Variants in VRK1 observed in about 807,000 individuals in gnomAD.
VRK1 encodes serine/threonine-protein kinase VRK1.
Under a neutral mutation model 57.1 loss-of-function variants are expected in VRK1, and 33 were observed. The ratio of observed to expected loss-of-function variants is 0.58; its 90% CI spans 0.44 to 0.77. The LOEUF (loss-of-function observed/expected upper bound fraction) is 0.77, where lower values mean the gene tolerates loss of function less well. VRK1 is among the 30% of genes least tolerant of loss of function. VRK1 has a pLI of 0.00. For synonymous variants in VRK1, 137 were observed against 147.8 expected (o/e 0.93, Z 0.53); for missense variants, 413 against 477.3 (o/e 0.87, Z 1.25).
Position 96,833,635 on chromosome 14 carries a change from AGT to A in VRK1, c.160+10_160+11del. On this transcript the variant is annotated splice_donor_5th_base_variant and intron_variant, in intron 2 of 12. Coordinates refer to ENST00000216639, the MANE Select transcript of VRK1 (RefSeq NM_003384.3). ...GGCTTTGGCTGTATATATCTTGGTA[AGT>A]GTGTGACTGCTTCTAATGATCAATC... 1.2e-6 allele frequency: 2 copies of A among 1,613,580 alleles called. No homozygotes were observed. Among genetic ancestry groups the A allele is most frequent in the Non-Finnish European group, 1.7e-6 (2 of 1,179,584 alleles).
intron 12 of VRK1, chr14:96,877,541 C>A (rs1485938098): frequency 7.8e-7 from 1 of 1,289,482 alleles, no homozygotes. Flanking sequence ...CGAAGCATGT[C>A]TCAGCCAGAG....
At chr14:96,877,523 C>CAAT (rs1199015015) in intron 12 of VRK1, 1 of 1,289,342 alleles carries the variant, frequency 7.8e-7, no homozygotes, top group East Asian at 5.5e-5. Flanking sequence ...TCCCAAGGAG[C>CAAT]AATACATCGA....
chr14:96,869,521 G>T (rs866438370), intron 11 of VRK1, among the ~76,000 whole-genome samples: 12 of 152,288 alleles, frequency 7.9e-5, no homozygotes, highest in Middle Eastern at 6.8e-3. Flanking sequence ...GGTAAAAGTT[G>T]ATTTTTGCAG....
At chr14:96,856,829 G>A (rs1176490772) in intron 10 of VRK1, among the ~76,000 whole-genome samples, 2 of 152,114 alleles carry the variant, frequency 1.3e-5, no homozygotes, top group Non-Finnish European at 2.9e-5. Context: ...TTAGCCAGGC[G>A]TGGTGACGCA....
intron 1 of VRK1, among the ~76,000 whole-genome samples, chr14:96,824,861 G>C (rs949312558): frequency 6.6e-6 from 1 of 151,830 alleles, no homozygotes. Context: ...CACCATGTTA[G>C]CCAGGATGGT....
chr14:96,877,816 G>C (rs931802209), intron 12 of VRK1: 4 of 395,374 alleles, frequency 1.0e-5, no homozygotes, highest in African/African-American at 2.2e-5. Context: ...AAGCGTTTTT[G>C]TTTTGATAGA....
chr14:96,831,916 T>C (rs995292803), intron 1 of VRK1, among the ~76,000 whole-genome samples: 1 of 152,232 alleles, frequency 6.6e-6, no homozygotes, highest in Non-Finnish European at 1.5e-5. Context: ...TAACCTTTCT[T>C]GGTGTTTTGA....
At chr14:96,871,066 AT>A (rs1201279267) in intron 11 of VRK1, among the ~76,000 whole-genome samples, 1 of 152,064 alleles carries the variant, frequency 6.6e-6, no homozygotes, top group Non-Finnish European at 1.5e-5. Context: ...TTGTATCAGT[AT>A]TTTTTGGCAC....
chr14:96,871,673 ATGG>A (rs771209390), intron 11 of VRK1, among the ~76,000 whole-genome samples: 1 of 152,212 alleles, frequency 6.6e-6, no homozygotes, highest in Non-Finnish European at 1.5e-5. Flanking sequence ...TAATAAGTAC[ATGG>A]TGGTGATCTT....
At chr14:96,825,331 TAG>T (rs931601098) in intron 1 of VRK1, among the ~76,000 whole-genome samples, 31 of 152,324 alleles carry the variant, frequency 2.0e-4, no homozygotes, top group Non-Finnish European at 1.9e-4. Context: ...GAAGAATAAA[TAG>T]AGTTTGACAT....
intron 11 of VRK1, among the ~76,000 whole-genome samples, chr14:96,874,996 G>A (rs141015808): frequency 2.6e-5 from 4 of 152,286 alleles, no homozygotes; most frequent in Admixed American, 6.5e-5. Flanking sequence ...GTTGCATTGT[G>A]AACCTGTGAG....
At chr14:96,800,416 C>T (rs886221432) in intron 1 of VRK1, among the ~76,000 whole-genome samples, 1 of 152,106 alleles carries the variant, frequency 6.6e-6, no homozygotes, top group African/African-American at 2.4e-5. Context: ...ATGGGCAACA[C>T]TTTAAAAAAG....
chr14:96,803,623 A>G (rs1471896375), intron 1 of VRK1, among the ~76,000 whole-genome samples: 1 of 152,104 alleles, frequency 6.6e-6, no homozygotes, highest in Admixed American at 6.5e-5. Context: ...CATACTCTCC[A>G]CCATTTAAGG....
At position 96,876,081 on chromosome 14, in the gene VRK1, G is replaced by A; in HGVS notation, c.1120G>A (p.Glu374Lys). Residue 374 changes from glutamate to lysine, a missense_variant, in exon 12 of 13, where the codon GAA (glutamate) becomes AAA (lysine). Transcript: ENST00000216639. The part of the protein sequence containing the change: ...ESKEPGVEDT[E>K]WSNTQTEEAI... ...CAAGGAACCTGGTGTTGAAGATACG[G>A]AATGGTCAAACACACAGACAGAGGA... The A allele has an allele frequency of 1.9e-6, 3 of 1,613,646 alleles. No individual in the cohort carries two copies. The highest frequency in any genetic ancestry group is 2.2e-5 in the South Asian group (2 of 91,062).
intron 2 of VRK1, among the ~76,000 whole-genome samples, chr14:96,835,181 GTC>G (rs1418786917): frequency 2.1e-4 from 32 of 152,238 alleles, no homozygotes; most frequent in African/African-American, 7.2e-4. Flanking sequence ...TCCAGTCTCT[GTC>G]TCTATGATAC....
Position 96,879,219 on chromosome 14 carries a change from A to G in VRK1, c.1160-1958A>G, listed in dbSNP as rs538401652. ...TAGTGTATATTATGAAAATGGTTAT[A>G]TATTTAATTAAAGAGATAAGGTAGT... is the stretch of plus-strand genomic sequence containing the variant. On this transcript the variant is annotated intron_variant, in intron 12 of 12. Transcript: ENST00000216639. Among the ~76,000 whole-genome samples the G allele has an allele frequency of 7.7e-5, 10 of 130,700 alleles. No individual in the cohort carries two copies. In the East Asian group the frequency reaches 1.8e-3, roughly 23 times the overall value. The allele number at this position is 130,700 out of a possible 152,430, so 85.7% of individuals were successfully genotyped here.
chr14:96,854,522 G>A (rs1888072536), intron 7 of VRK1, among the ~76,000 whole-genome samples: 1 of 152,116 alleles, frequency 6.6e-6, no homozygotes. Context: ...CTATGGAATG[G>A]AAGAAAGCCA....
At chr14:96,871,494 C>T (rs1016546681) in intron 11 of VRK1, among the ~76,000 whole-genome samples, 2 of 152,180 alleles carry the variant, frequency 1.3e-5, no homozygotes, top group African/African-American at 2.4e-5. Context: ...ATTTATGGAA[C>T]CCTAAAAGGA....
At chr14:96,837,140 G>A (rs1887251987) in intron 2 of VRK1, among the ~76,000 whole-genome samples, 1 of 152,164 alleles carries the variant, frequency 6.6e-6, no homozygotes, top group Non-Finnish European at 1.5e-5. Context: ...CGTTTAGTAT[G>A]TACTTGGTAA....
Sources: gnomAD v4.1 joint callset for allele counts (sites outside exome capture counted in the v4.1 genomes callset) on GRCh38, gnomAD v4.1.1 for gene constraint, MANE v1.5 for transcripts, NCBI Gene and HGNC (gene_info 2026-07-23, HGNC 2026-07-21) for gene names.